SLC30A6: variants seen among roughly 807,000 people sequenced by gnomAD.
SLC30A6 encodes the protein solute carrier family 30 member 6.
Under a neutral mutation model 63.0 loss-of-function variants are expected in SLC30A6, and 55 were observed. The observed-to-expected ratio is 0.87, with a 90% CI of 0.70 to 1.09. The LOEUF (loss-of-function observed/expected upper bound fraction) is 1.09, where lower values mean the gene tolerates loss of function less well. Ranked by LOEUF, SLC30A6 falls within the 50% of genes least tolerant of loss-of-function variation. The probability of loss-of-function intolerance (pLI) is 0.00; values close to 1 mark genes in which losing one functional copy is unlikely to be tolerated. For missense variants in SLC30A6, 587 were observed against 549.2 expected (o/e 1.07, Z -0.69); for synonymous variants, 224 against 186.1 (o/e 1.20, Z -1.66).
At chr2:32,207,600 C>G (rs1402006673) in intron 12 of SLC30A6, among the ~76,000 whole-genome samples, 1 of 151,682 alleles carries the variant, frequency 6.6e-6, no homozygotes, top group Non-Finnish European at 1.5e-5. Context: ...TGGTCTTGAA[C>G]TCCTGACCTT....
At chr2:32,220,099 C>A in intron 13 of SLC30A6, 114 bp from the exon 14 acceptor site, 1 of 1,218,346 alleles carries the variant, frequency 8.2e-7, no homozygotes, top group East Asian at 2.6e-5. Flanking sequence ...TAAGCTTTTT[C>A]TTTCAAAGAA....
rs373801266 is a variant in SLC30A6 at position 32,215,141 on chromosome 2, CTG to C, written c.886-5068_886-5067del. 5.9e-3 allele frequency among the ~76,000 whole-genome samples: 897 copies of C among 152,042 alleles called. 11 individuals are homozygous for C. Among genetic ancestry groups the C allele is most frequent in the African/African-American group, 0.02 (839 of 41,494 alleles). On this transcript the variant is annotated intron_variant, in intron 13 of 13. Coordinates refer to ENST00000282587, the MANE Select transcript of SLC30A6 (RefSeq NM_017964.5). Reference sequence around the variant, plus strand: ...AAGAATTTTTTTCTTTTTTGAAAATCTGTGTTTATTTAGAGACCAACATGGAG... The same window carrying C: ...AAGAATTTTTTTCTTTTTTGAAAATCTGTTTATTTAGAGACCAACATGGAG...
At chr2:32,169,851 C>G (rs1407185868) in intron 1 of SLC30A6, among the ~76,000 whole-genome samples, 2 of 152,158 alleles carry the variant, frequency 1.3e-5, no homozygotes, top group Non-Finnish European at 2.9e-5. Flanking sequence ...ATCATGATTT[C>G]ACATTAACAA....
At chr2:32,198,866 G>GT (rs1165000273) in intron 10 of SLC30A6, among the ~76,000 whole-genome samples, 2 of 152,136 alleles carry the variant, frequency 1.3e-5, no homozygotes, top group Admixed American at 6.5e-5. Context: ...CCAACATAGA[G>GT]TTTTTTATTT....
At chr2:32,193,003 A>T (rs568319725) in intron 7 of SLC30A6, 50 bp downstream of exon 7, 2 of 1,159,784 alleles carry the variant, frequency 1.7e-6, no homozygotes, top group Admixed American at 2.2e-5. Context: ...TTAATTATTA[A>T]TTGATGTATT....
chr2:32,202,899 A>G (rs1382032243), intron 10 of SLC30A6: 2 of 1,040,724 alleles, frequency 1.9e-6, no homozygotes, highest in East Asian at 2.4e-5. Context: ...ACATTTGGCC[A>G]TCCGGTGTCA....
intron 4 of SLC30A6, among the ~76,000 whole-genome samples, chr2:32,179,266 C>T (rs900681761): frequency 6.6e-5 from 10 of 152,134 alleles, no homozygotes; most frequent in African/African-American, 2.4e-4. Context: ...TAACCTTAAA[C>T]GTAGCAGTTC....
At chr2:32,203,989 C>T (rs1351091633) in intron 10 of SLC30A6, 24 of 725,180 alleles carry the variant, frequency 3.3e-5, no homozygotes, top group East Asian at 1.8e-4. Context: ...GAGCCACAAA[C>T]GGAGTTTTGA....
intron 13 of SLC30A6, among the ~76,000 whole-genome samples, chr2:32,217,477 A>G (rs1374475284): frequency 6.6e-6 from 1 of 152,136 alleles, no homozygotes; most frequent in African/African-American, 2.4e-5. Context: ...GTAGCCTTAT[A>G]GTTTGAATTC....
rs372794731 is a variant in SLC30A6 at position 32,165,921 on chromosome 2, G to A, written c.3+18G>A. The A allele has an allele frequency of 6.2e-7, 1 of 1,614,196 alleles. No individual in the cohort carries two copies. The highest frequency in any genetic ancestry group is 8.5e-7 in the Non-Finnish European group (1 of 1,180,004). ...TTATCATGGTGAGTTGGCTGTTGGG[G>A]TGAGGGTTTCGGCTGTAGCTGATTC... is the stretch of plus-strand genomic sequence containing the variant. On this transcript the variant is annotated intron_variant, in intron 1 of 13. Coordinates refer to ENST00000282587, the MANE Select transcript of SLC30A6 (RefSeq NM_017964.5).
chr2:32,220,067 A>T, intron 13 of SLC30A6, 146 bp from the exon 14 acceptor site: 1 of 804,160 alleles, frequency 1.2e-6, no homozygotes, highest in Non-Finnish European at 1.9e-6. Context: ...ACCAGCAAGT[A>T]GTCTTTAAGA....
chr2:32,207,620 C>T (rs1684889657), intron 12 of SLC30A6, among the ~76,000 whole-genome samples: 1 of 151,758 alleles, frequency 6.6e-6, no homozygotes, highest in Non-Finnish European at 1.5e-5. Flanking sequence ...TGTGATCCAC[C>T]CGCCTCGGCC....
intron 4 of SLC30A6, among the ~76,000 whole-genome samples, chr2:32,177,011 G>C (rs776113495): frequency 4.6e-5 from 7 of 151,768 alleles, no homozygotes; most frequent in Admixed American, 2.6e-4. Context: ...GACCTCAAGT[G>C]ATCTGCCCAC....
rs868670142 is a variant in SLC30A6 at position 32,178,638 on chromosome 2, A to G, written c.218+3277A>G. ...GCAGTAAGTGAGCCGGAATCGCACC[A>G]TTGCACTCCAGCCTGGACAACAGAG... is the stretch of plus-strand genomic sequence containing the variant. On this transcript the variant is annotated intron_variant, in intron 4 of 13. Transcript: ENST00000282587. Among the ~76,000 whole-genome samples the G allele has an allele frequency of 3.9e-5, 6 of 152,146 alleles. 1 individual carries two copies. The South Asian group carries it at 1.0e-3, about 26-fold the overall frequency.
rs368396868 is a variant in SLC30A6 at position 32,170,947 on chromosome 2, G to A, written c.4-340G>A. On this transcript the variant is annotated intron_variant, in intron 1 of 13. Transcript: ENST00000282587. ...ATTTTCAGTAGAAATTTCCAGTAGA[G>A]CTATTTGGCAAACTATTTCTTTTTC... 1.7e-4 allele frequency among the ~76,000 whole-genome samples: 26 copies of A among 152,266 alleles called. No homozygotes were observed. In the East Asian group the frequency reaches 3.1e-3, roughly 18 times the overall value.
intron 1 of SLC30A6, among the ~76,000 whole-genome samples, chr2:32,170,028 T>C (rs1368007834): frequency 6.6e-6 from 1 of 152,206 alleles, no homozygotes; most frequent in Non-Finnish European, 1.5e-5. Context: ...TTATAGTTTT[T>C]TTTCAGTTTG....
At chr2:32,210,989 G>A (rs1231042747) in intron 13 of SLC30A6, among the ~76,000 whole-genome samples, 2 of 152,240 alleles carry the variant, frequency 1.3e-5, no homozygotes, top group South Asian at 2.1e-4. Context: ...TACCTATGGG[G>A]CACTCCTGGG....
At position 32,203,827 on chromosome 2, in the gene SLC30A6, A is replaced by G. The variant is rs986825689; in HGVS notation, c.666-763A>G. 7.7e-6 allele frequency: 11 copies of G among 1,423,414 alleles called. No homozygotes were observed. The African/African-American group carries it at 1.3e-4, about 16-fold the overall frequency. 88.2% of individuals were successfully genotyped at this position (1,423,414 alleles called of 1,614,324 possible). ...TGATAGAAACACATCTTCTAATTCC[A>G]GACAGAGGAGTGGTTGGTCAAGTGG... On this transcript the variant is annotated intron_variant, in intron 10 of 13. Transcript: ENST00000282587.
chr2:32,184,922 A>C (rs1347373378), intron 5 of SLC30A6, among the ~76,000 whole-genome samples: 5 of 152,252 alleles, frequency 3.3e-5, no homozygotes, highest in Non-Finnish European at 5.9e-5. Flanking sequence ...TTATTTTAGC[A>C]AGAGCAAGTA....
Sources: allele counts gnomAD v4.1 joint callset (sites outside exome capture counted in the v4.1 genomes callset), GRCh38; gene constraint gnomAD v4.1.1; transcripts MANE v1.5; gene names NCBI Gene and HGNC (gene_info 2026-07-23, HGNC 2026-07-21).